The following AIM2 variants were observed in gnomAD, a reference collection of about 807,000 sequenced individuals.
AIM2 encodes the protein absent in melanoma 2, also known as interferon-inducible protein AIM2.
AIM2 carries 30 observed loss-of-function variants against 27.7 expected under a neutral mutation model. The ratio of observed to expected loss-of-function variants is 1.08; its 90% confidence interval spans 0.81 to 1.47. The LOEUF (loss-of-function observed/expected upper bound fraction) is 1.47, where lower values mean the gene tolerates loss of function less well. Among genes scored for constraint, AIM2 ranks in the 40% most tolerant of loss-of-function variants. AIM2 has a pLI of 0.00. For synonymous variants in AIM2, 141 were observed against 145.3 expected (o/e 0.97, Z 0.21); for missense variants, 358 against 411.3 (o/e 0.87, Z 1.12).
intron 1 of AIM2, among the ~76,000 whole-genome samples, chr1:159,102,357 C>T (rs1302737203): frequency 6.6e-6 from 1 of 152,220 alleles, no homozygotes; most frequent in Non-Finnish European, 1.5e-5. Flanking sequence ...GAGGCAAAGC[C>T]CTCATGGAGA....
chr1:159,139,904 T>C (rs1648078487), intron 1 of AIM2, among the ~76,000 whole-genome samples: 1 of 152,138 alleles, frequency 6.6e-6, no homozygotes, highest in African/African-American at 2.4e-5. Context: ...ATAGAAATAA[T>C]ATCCTTACCT....
At chr1:159,093,040 AAAATAAATAAAT>A (rs57238902) in intron 1 of AIM2, among the ~76,000 whole-genome samples, 1 of 147,200 alleles carries the variant, frequency 6.8e-6, no homozygotes, top group African/African-American at 2.5e-5. Flanking sequence ...TAAATAAATA[AAAATAAATAAAT>A]AAATAAATAA....
At chr1:159,141,370 T>C (rs1648106410), upstream of AIM2, among the ~76,000 whole-genome samples, 1 of 152,086 alleles carries the variant, frequency 6.6e-6, no homozygotes, top group Non-Finnish European at 1.5e-5. Context: ...ATTCAAATGC[T>C]ATGTCAGTCG....
rs566257802 is a variant in AIM2, at chr1:159,091,330, A to G, written c.-15-25001T>C. On this transcript the variant is annotated intron_variant, in intron 1 of 2. Coordinates refer to the AIM2 transcript ENST00000368129. ...CCTTAAAGCCATGTGTGGCATTACAACCACTGAAAAAATGCTGGGTAGAGT... is the reference window on the plus strand; with the variant it reads ...CCTTAAAGCCATGTGTGGCATTACAGCCACTGAAAAAATGCTGGGTAGAGT... Among the ~76,000 whole-genome samples the G allele has an allele frequency of 3.9e-5, 6 of 152,308 alleles. No homozygotes were observed. In the South Asian group the frequency reaches 8.3e-4, roughly 21 times the overall value.
chr1:159,132,692 T>C (rs961641950), intron 1 of AIM2, among the ~76,000 whole-genome samples: 22 of 152,322 alleles, frequency 1.4e-4, no homozygotes, highest in African/African-American at 7.2e-5. Context: ...CCCTGTATTA[T>C]GACGGCAAAC....
At chr1:159,068,164 C>T (rs753523097) in intron 3 of AIM2, among the ~76,000 whole-genome samples, 65 of 152,242 alleles carry the variant, frequency 4.3e-4, no homozygotes, top group Non-Finnish European at 7.1e-4. Context: ...TCTCAGCTCC[C>T]GAGCTCCCTG....
At chr1:159,065,857 T>C (rs1191769293) in intron 4 of AIM2, 53 bp downstream of exon 4, 10 of 1,504,572 alleles carry the variant, frequency 6.6e-6, no homozygotes, top group Non-Finnish European at 8.9e-6. Context: ...TAAGATCAGA[T>C]GGGAAATACG....
At chr1:159,105,202 G>C (rs1429801859) in intron 1 of AIM2, among the ~76,000 whole-genome samples, 1 of 152,230 alleles carries the variant, frequency 6.6e-6, no homozygotes, top group African/African-American at 2.4e-5. Context: ...GCAGCTCCAG[G>C]CGCCAGCATA....
At chr1:159,088,037 T>G (rs1656958090) in intron 1 of AIM2, among the ~76,000 whole-genome samples, 1 of 152,146 alleles carries the variant, frequency 6.6e-6, no homozygotes, top group African/African-American at 2.4e-5. Context: ...TGAAGGGAAA[T>G]TACAAAATAG....
chr1:159,115,320 T>G (rs1246810763), intron 1 of AIM2, among the ~76,000 whole-genome samples: 1 of 152,148 alleles, frequency 6.6e-6, no homozygotes, highest in Non-Finnish European at 1.5e-5. Flanking sequence ...CTTCACAGAA[T>G]TGGAAAAAAC....
At chr1:159,146,128 C>T (rs1648197961) in intron 1 of AIM2, among the ~76,000 whole-genome samples, 3 of 151,298 alleles carry the variant, frequency 2.0e-5, no homozygotes, top group Admixed American at 6.6e-5. Flanking sequence ...AAAAAGAATT[C>T]TAGAGAGTGT....
At chr1:159,108,603 G>A (rs946474995) in intron 1 of AIM2, among the ~76,000 whole-genome samples, 4 of 152,142 alleles carry the variant, frequency 2.6e-5, no homozygotes, top group Admixed American at 6.5e-5. Flanking sequence ...AAGTCAAACT[G>A]TTGCTGTTTG....
the AIM2 span, among the ~76,000 whole-genome samples, chr1:159,056,953 G>A: frequency 6.6e-6 from 1 of 152,072 alleles, no homozygotes; most frequent in East Asian, 1.9e-4. Context: ...TTTCAAAGGA[G>A]TCCCAAAGGT....
At chr1:159,123,930 G>A (rs928524167) in intron 1 of AIM2, among the ~76,000 whole-genome samples, 2 of 152,114 alleles carry the variant, frequency 1.3e-5, no homozygotes, top group Non-Finnish European at 1.5e-5. Flanking sequence ...AGCAGGGCTG[G>A]GGTATATTTG....
chr1:159,116,475 C>A (rs1343088843), intron 1 of AIM2, among the ~76,000 whole-genome samples: 4 of 152,150 alleles, frequency 2.6e-5, no homozygotes, highest in African/African-American at 9.7e-5. Context: ...AAATGTGGCA[C>A]ATATACATCA....
At chr1:159,130,837 C>T (rs1347002847) in intron 1 of AIM2, among the ~76,000 whole-genome samples, 1 of 149,072 alleles carries the variant, frequency 6.7e-6, no homozygotes, top group Non-Finnish European at 1.5e-5. Flanking sequence ...CACACACACA[C>T]ACACACGCAC....
chr1:159,069,768 C>T (rs1656271332), intron 2 of AIM2, among the ~76,000 whole-genome samples: 1 of 152,112 alleles, frequency 6.6e-6, no homozygotes, highest in African/African-American at 2.4e-5. Context: ...TGGTCTTGAG[C>T]TCCTCACCTC....
chr1:159,096,198 G>A (rs199972431), intron 1 of AIM2, among the ~76,000 whole-genome samples: 1 of 152,152 alleles, frequency 6.6e-6, no homozygotes, highest in South Asian at 2.1e-4. Flanking sequence ...CTTCAAGACA[G>A]GCAACTTTGT....
At chr1:159,065,691 G>A (rs996420988) in intron 4 of AIM2, among the ~76,000 whole-genome samples, 1 of 152,112 alleles carries the variant, frequency 6.6e-6, no homozygotes, top group Non-Finnish European at 1.5e-5. Flanking sequence ...AGGCTACTGG[G>A]GTAAGTTGAA....
Sources: gnomAD v4.1 joint callset for allele counts (sites outside exome capture counted in the v4.1 genomes callset) on GRCh38, gnomAD v4.1.1 for gene constraint, MANE v1.5 for transcripts, NCBI Gene and HGNC (gene_info 2026-07-23, HGNC 2026-07-21) for gene names.